The following BANK1 variants were observed in gnomAD, a reference collection of about 807,000 sequenced individuals.
BANK1 encodes B-cell scaffold protein with ankyrin repeats.
In BANK1, 95 loss-of-function variants were observed where a neutral mutation model predicts 94.5. The ratio of observed to expected loss-of-function variants is 1.00; its 90% CI spans 0.85 to 1.19. BANK1 has a LOEUF of 1.19. Ranked by LOEUF, BANK1 falls within the 50% of genes most tolerant of loss-of-function variation. The probability of loss-of-function intolerance (pLI) is 0.00; values close to 1 mark genes in which losing one functional copy is unlikely to be tolerated. For missense variants in BANK1, 987 were observed against 932.2 expected (o/e 1.06, Z -0.77); for synonymous variants, 334 against 308.4 (o/e 1.08, Z -0.87).
chr4:101,882,903 A>G (rs531065281), intron 5 of BANK1, among the ~76,000 whole-genome samples: 20 of 152,182 alleles, frequency 1.3e-4, no homozygotes, highest in Non-Finnish European at 2.6e-4. Flanking sequence ...GGAGAAGCAA[A>G]TCGTCCAAGT....
chr4:101,809,333 T>C (rs1018779094), intron 1 of BANK1, among the ~76,000 whole-genome samples: 2 of 151,938 alleles, frequency 1.3e-5, no homozygotes, highest in African/African-American at 4.8e-5. Context: ...TGATGGACTT[T>C]GGCAACTCGG....
intron 2 of BANK1, among the ~76,000 whole-genome samples, chr4:101,843,154 A>T (rs904929558): frequency 1.1e-4 from 16 of 152,226 alleles, no homozygotes; most frequent in Admixed American, 2.0e-4. Context: ...TTTCAAACAA[A>T]AAACAGTGTC....
chr4:101,809,119 T>C (rs968706276), intron 1 of BANK1, among the ~76,000 whole-genome samples: 1 of 152,008 alleles, frequency 6.6e-6, no homozygotes, highest in Non-Finnish European at 1.5e-5. Context: ...AATCAATGAG[T>C]GGGTAAAGAA....
At chr4:101,828,193 T>C (rs1341683705) in intron 1 of BANK1, among the ~76,000 whole-genome samples, 1 of 151,790 alleles carries the variant, frequency 6.6e-6, no homozygotes, top group Non-Finnish European at 1.5e-5. Flanking sequence ...TTAATTCTTT[T>C]TGTAAATGCC....
chr4:101,889,591 C>T (rs545301000), intron 5 of BANK1, among the ~76,000 whole-genome samples: 1 of 109,832 alleles, frequency 9.1e-6, no homozygotes, highest in East Asian at 2.6e-4. Flanking sequence ...GGCGACAGAG[C>T]GAGACTCCGT....
intron 6 of BANK1, among the ~76,000 whole-genome samples, chr4:101,898,893 A>C (rs1722181530): frequency 6.6e-6 from 1 of 152,104 alleles, no homozygotes; most frequent in Non-Finnish European, 1.5e-5. Context: ...AATATTCTAT[A>C]ATATTGGGAT....
intron 7 of BANK1, among the ~76,000 whole-genome samples, chr4:102,007,092 A>ATATATTTATATATATATAATATATTATAT (rs1322128290): frequency 1.2e-5 from 1 of 82,298 alleles, no homozygotes; most frequent in African/African-American, 4.2e-5. Flanking sequence ...ATATATATAT[A>ATATATTTATATATATATAATATATTATAT]ATATATTTAT....
At chr4:101,859,724 G>T (rs4365725) in intron 3 of BANK1, among the ~76,000 whole-genome samples, 81,929 of 152,008 alleles carry the variant, frequency 0.54, 23,222 homozygotes, top group African/African-American at 0.71. Flanking sequence ...CATGCTCAAT[G>T]TTAAAGTGTC....
chr4:101,881,630 G>A (rs1450117864), intron 5 of BANK1, among the ~76,000 whole-genome samples: 1 of 152,128 alleles, frequency 6.6e-6, no homozygotes, highest in East Asian at 1.9e-4. Flanking sequence ...GTTTGTTGCA[G>A]CACTGTTCAA....
intron 6 of BANK1, 45 bp from the exon 7 acceptor site, chr4:101,917,948 C>A: frequency 7.2e-7 from 1 of 1,394,596 alleles, no homozygotes; most frequent in Non-Finnish European, 9.9e-7. Context: ...ATGAGATTGC[C>A]AATAAAATGA....
At position 101,790,778 on chromosome 4, in the gene BANK1, G is replaced by C; in HGVS notation, c.-103G>C. On this transcript the variant is annotated 5_prime_UTR_variant, in exon 1 of 17. Coordinates refer to ENST00000322953, the MANE Select transcript of BANK1 (RefSeq NM_017935.5). ...GGTGGCAAGCGGGCTGGGGAGAGCC[G>C]AGGGCCAAAGGAAGAGAAAATCGCG... 2 of 1,284,206 alleles carry C rather than the reference G, an allele frequency of 1.6e-6. No individual in the cohort carries two copies. The highest frequency in any genetic ancestry group is 2.2e-6 in the Non-Finnish European group (2 of 919,790). 79.6% of individuals were successfully genotyped at this position (1,284,206 alleles called of 1,614,324 possible).
intron 7 of BANK1, among the ~76,000 whole-genome samples, chr4:101,928,232 T>A (rs1723227832): frequency 6.6e-6 from 1 of 151,628 alleles, no homozygotes; most frequent in African/African-American, 2.4e-5. Context: ...TTGCTCTAAT[T>A]TAGTTTGTCC....
intron 2 of BANK1, among the ~76,000 whole-genome samples, chr4:101,836,561 A>G (rs1726837459): frequency 1.3e-5 from 2 of 152,196 alleles, no homozygotes; most frequent in Admixed American, 1.3e-4. Context: ...AAACCCCACA[A>G]ACCTAGAAAG....
chr4:101,931,937 G>A lies in BANK1; in HGVS notation c.1206+13748G>A, dbSNP rs58412409. On this transcript the variant is annotated intron_variant, in intron 7 of 16. Coordinates refer to ENST00000322953, the MANE Select transcript of BANK1 (RefSeq NM_017935.5). Reference sequence around the variant, plus strand: ...TATAAAAATCCATAACAATTCAGGAGTAACTAACTAAAGTTGTTTTAGGAA... The same window carrying A: ...TATAAAAATCCATAACAATTCAGGAATAACTAACTAAAGTTGTTTTAGGAA... Among the ~76,000 whole-genome samples the A allele has an allele frequency of 8.9e-4, 135 of 151,538 alleles. 1 individual carries two copies. The highest frequency in any genetic ancestry group is 3.1e-3 in the African/African-American group (128 of 41,438).
chr4:101,996,230 A>T (rs893092826), intron 7 of BANK1, among the ~76,000 whole-genome samples: 9 of 152,136 alleles, frequency 5.9e-5, no homozygotes, highest in Non-Finnish European at 1.2e-4. Context: ...CAAAGATCAG[A>T]TGGTTGTAGA....
intron 7 of BANK1, among the ~76,000 whole-genome samples, chr4:101,958,611 A>G (rs1724452208): frequency 1.3e-5 from 2 of 151,974 alleles, no homozygotes; most frequent in East Asian, 3.9e-4. Flanking sequence ...TAAAACATTT[A>G]TTGTGCTCAC....
At chr4:101,957,120 A>T (rs565738825) in intron 7 of BANK1, among the ~76,000 whole-genome samples, 34 of 152,308 alleles carry the variant, frequency 2.2e-4, no homozygotes, top group Admixed American at 1.5e-3. Context: ...TAATGAGAAG[A>T]TACAGAATCT....
chr4:102,064,291 CT>C (rs1352053541), intron 13 of BANK1, among the ~76,000 whole-genome samples: 1 of 152,062 alleles, frequency 6.6e-6, no homozygotes, highest in Non-Finnish European at 1.5e-5. Context: ...CACAAATATA[CT>C]TTCTAAAATA....
intron 13 of BANK1, among the ~76,000 whole-genome samples, chr4:102,063,855 G>C (rs1303546816): frequency 6.6e-6 from 1 of 150,376 alleles, no homozygotes; most frequent in Non-Finnish European, 1.5e-5. Flanking sequence ...TGATTAAAGA[G>C]ACATGCTTTT....
Sources: gnomAD v4.1 joint callset for allele counts (sites outside exome capture counted in the v4.1 genomes callset) on GRCh38, gnomAD v4.1.1 for gene constraint, MANE v1.5 for transcripts, NCBI Gene and HGNC (gene_info 2026-07-23, HGNC 2026-07-21) for gene names.